ITGAE: variants seen among roughly 807,000 people sequenced by gnomAD.
ITGAE encodes the protein integrin subunit alpha E, also known as integrin alpha-E.
A neutral mutation model predicts 136.5 loss-of-function variants in ITGAE; 99 were observed. The observed-to-expected ratio is 0.73, with a 90% confidence interval of 0.62 to 0.86. The LOEUF (loss-of-function observed/expected upper bound fraction) is 0.86, where lower values mean the gene tolerates loss of function less well. ITGAE is among the 40% of genes least tolerant of loss of function. ITGAE has a pLI of 0.00. For missense variants in ITGAE, 1,447 were observed against 1,515.3 expected, an observed-to-expected ratio of 0.95 and a Z score of 0.75; for synonymous variants, 613 against 591.8, an observed-to-expected ratio of 1.04 and a Z score of -0.52.
chr17:3,716,916 A>G, intron 29 of ITGAE, 118 bp from the exon 30 acceptor site: 1 of 623,218 alleles, frequency 1.6e-6, no homozygotes, highest in Non-Finnish European at 2.9e-6. Context: ...TATTGATCAA[A>G]GCTGATGACA....
chr17:3,725,018 G>A, intron 26 of ITGAE: 1 of 1,614,188 alleles, frequency 6.2e-7, no homozygotes, highest in Non-Finnish European at 8.5e-7. Context: ...AGGGCCAAAA[G>A]CTGGGAAAAG....
intron 15 of ITGAE, among the ~76,000 whole-genome samples, chr17:3,751,220 G>A (rs2051856280): frequency 6.6e-6 from 1 of 151,582 alleles, no homozygotes; most frequent in Non-Finnish European, 1.5e-5. Flanking sequence ...GTGGGTGGAA[G>A]TGCCTGTTAA....
intron 1 of ITGAE, among the ~76,000 whole-genome samples, chr17:3,788,120 C>T (rs1316292078): frequency 6.6e-6 from 1 of 151,518 alleles, no homozygotes. Flanking sequence ...AAATTCTTTA[C>T]ATATTCTGAA....
chr17:3,783,987 G>A (rs998616690), intron 1 of ITGAE, among the ~76,000 whole-genome samples: 2 of 152,214 alleles, frequency 1.3e-5, no homozygotes, highest in East Asian at 1.9e-4. Context: ...CCAGCGGGGC[G>A]CGGCGGCTCA....
chr17:3,755,297 AG>A, intron 11 of ITGAE, 36 bp from the exon 12 acceptor site: 1 of 1,520,458 alleles, frequency 6.6e-7, no homozygotes, highest in South Asian at 1.2e-5. Context: ...GATGAGTGGG[AG>A]GGACCCAAGG....
At chr17:3,794,654 G>C (rs2053020647) in intron 1 of ITGAE, among the ~76,000 whole-genome samples, 1 of 152,184 alleles carries the variant, frequency 6.6e-6, no homozygotes, top group South Asian at 2.1e-4. Flanking sequence ...CACGAATCCA[G>C]AACTGAGATA....
chr17:3,731,321 T>C (rs1210322602), intron 22 of ITGAE, 138 bp from the exon 23 acceptor site: 3 of 616,434 alleles, frequency 4.9e-6, no homozygotes, highest in Non-Finnish European at 8.6e-6. Flanking sequence ...ACACAGCATG[T>C]TTCCTTTCCC....
rs377759357 is a variant in ITGAE at position 3,743,633 on chromosome 17, G to A, written c.2320-16C>T. 29 of 1,607,764 alleles carry A rather than the reference G, an allele frequency of 1.8e-5. No homozygotes were observed. The African/African-American group carries it at 1.9e-4, about 10-fold the overall frequency. On this transcript the variant is annotated splice_polypyrimidine_tract_variant and intron_variant, in intron 18 of 30. Transcript: ENST00000263087. ...CCTCACAGAGCTGTGGGGTCACCAC[G>A]GAAGGCAGGGTTAGAGTTGGATGTG...
At chr17:3,751,580 G>T in intron 15 of ITGAE, 70 bp downstream of exon 15, 1 of 1,438,490 alleles carries the variant, frequency 7.0e-7, no homozygotes. Context: ...GCCGACTTGG[G>T]GCTTGGGTCA....
chr17:3,792,035 G>A (rs2052951094), intron 1 of ITGAE, among the ~76,000 whole-genome samples: 2 of 152,134 alleles, frequency 1.3e-5, no homozygotes, highest in African/African-American at 4.8e-5. Flanking sequence ...TGGCTCTGAG[G>A]CCAGGCTCTG....
In ITGAE at chr17:3,757,747, T is replaced by G; in HGVS notation, c.979A>C (p.Asn327His). ...EDPLNLTTVI[N>H]SPKMQGVERF... is the part of the protein sequence containing the mutation. ...TCAACACCCTGCATTTTGGGGGAGTTGATGACTGTCGTAAGGTTGAGGGGG... is the reference window on the plus strand; with the variant it reads ...TCAACACCCTGCATTTTGGGGGAGTGGATGACTGTCGTAAGGTTGAGGGGG... The change falls in exon 9 of 31, where the codon AAC becomes CAC. Residue 327 changes from asparagine (N) to histidine (H), a missense_variant. Physicochemically the swap from Asn to His is moderately conservative, Grantham distance 68 (BLOSUM62 1). Transcript: ENST00000263087. The G allele has an allele frequency of 2.5e-6, 4 of 1,614,100 alleles. No homozygotes were observed. The highest frequency in any genetic ancestry group is 3.4e-6 in the Non-Finnish European group (4 of 1,180,020).
At position 3,759,472 on chromosome 17, in the gene ITGAE, G is replaced by C; in HGVS notation, c.796C>G (p.Leu266Val). The C allele has an allele frequency of 6.2e-7, 1 of 1,614,154 alleles. No homozygotes were observed. The highest frequency in any genetic ancestry group is 1.3e-5 in the African/African-American group (1 of 75,038). The change falls in exon 8 of 31, where the codon CTC (leucine) becomes GTC (valine). Residue 266 changes from leucine to valine, a missense_variant. Around this residue, in one of 3 missense-constraint regions of ITGAE, gnomAD observed 310 missense variants for 416.1 expected, o/e 0.74. Transcript: ENST00000263087. ...LRDSQDVMASLARVQNITQVG... is the reference protein window; with the variant it reads ...LRDSQDVMASVARVQNITQVG... ...TGAGTGATGTTCTGGACTCTGGCGA[G>C]GGAGGCCATCACATCCTGGCTGTCC... is the stretch of plus-strand genomic sequence containing the variant.
rs770006831 is a variant in ITGAE, at chr17:3,748,045, G to T, written c.2032C>A (p.Pro678Thr). The change falls in exon 17 of 31, where the codon CCT (proline) becomes ACT (threonine). Residue 678 changes from proline (P) to threonine (T), a missense_variant. By Grantham distance (38) the Pro-to-Thr change is conservative. Transcript: ENST00000263087. ...LGQAVVFRSR[P>T]VVRLKVSMAF... ...ATGGAGACCTTCAGGCGAACCACAG[G>T]CCGGGAGCTAAACAAGACAGCAAAG... 2 of 1,610,386 alleles carry T rather than the reference G, an allele frequency of 1.2e-6. No homozygotes were observed. The highest frequency in any genetic ancestry group is 8.5e-7 in the Non-Finnish European group (1 of 1,177,950).
At chr17:3,746,197 C>A (rs34416549) in intron 17 of ITGAE, among the ~76,000 whole-genome samples, 1 of 151,986 alleles carries the variant, frequency 6.6e-6, no homozygotes, top group African/African-American at 2.4e-5. Context: ...AAGGAGGGCT[C>A]GGGAAGGGGA....
Position 3,760,436 on chromosome 17 carries a change from T to TTTTA in ITGAE, c.599-150_599-149insTAAA. ...GAAGCTCCCAAGAGGGAAGCTTTTT[T>TTTTA]TTTTTTTTTTTTTTTTTTTTTGAGA... On this transcript the variant is annotated intron_variant, in intron 6 of 30. Transcript: ENST00000263087. 8.9e-6 allele frequency: 4 copies of TTTTA among 451,968 alleles called. No individual in the cohort carries two copies. The South Asian group carries it at 1.7e-4, about 19-fold the overall frequency. 28.0% of individuals were successfully genotyped at this position (451,968 alleles called of 1,614,324 possible). A position where few individuals can be genotyped will look rare whatever the true frequency, so the allele number is the denominator to read the frequency against.
chr17:3,733,363 C>G lies in ITGAE; in HGVS notation c.2656-897G>C, dbSNP rs1253563460. Among the ~76,000 whole-genome samples, 7 of 152,138 alleles carry G rather than the reference C, an allele frequency of 4.6e-5. No homozygotes were observed. The East Asian group carries it at 1.3e-3, about 29-fold the overall frequency. On this transcript the variant is annotated intron_variant, in intron 21 of 30. Transcript: ENST00000263087. ...GATGACCGGGGACAAATCTACAGTC[C>G]AACAAATTCAAATTTATTGACTCAC...
At chr17:3,715,856 T>G (rs1437504283) in intron 30 of ITGAE, among the ~76,000 whole-genome samples, 1 of 151,688 alleles carries the variant, frequency 6.6e-6, no homozygotes, top group Admixed American at 6.6e-5. Context: ...AAGACCCTGG[T>G]GTTTATTTTT....
At chr17:3,755,716 G>A (rs1337846357) in intron 11 of ITGAE, 114 bp downstream of exon 11, 2 of 701,250 alleles carry the variant, frequency 2.9e-6, no homozygotes, top group Non-Finnish European at 4.7e-6. Flanking sequence ...TCTTTTACAG[G>A]AATCACCACA....
chr17:3,748,874 G>T (rs987140467), intron 16 of ITGAE, among the ~76,000 whole-genome samples: 11 of 152,176 alleles, frequency 7.2e-5, no homozygotes, highest in Non-Finnish European at 1.5e-4. Context: ...GGGGCGGGAA[G>T]GGCCAGGCCA....
Sources: allele counts gnomAD v4.1 joint callset (sites outside exome capture counted in the v4.1 genomes callset), GRCh38; gene constraint gnomAD v4.1.1; regional missense constraint gnomAD v4.1.1; transcripts MANE v1.5; gene names NCBI Gene and HGNC (gene_info 2026-07-23, HGNC 2026-07-21).